The following PTPRD variants were observed in gnomAD, a reference collection of about 807,000 sequenced individuals.
PTPRD encodes the protein receptor-type tyrosine-protein phosphatase delta.
In PTPRD, 34 loss-of-function variants were observed where a neutral mutation model predicts 214.5. The ratio of observed to expected loss-of-function variants is 0.16; its 90% CI spans 0.12 to 0.21. PTPRD has a LOEUF of 0.21. Among genes scored for constraint, PTPRD ranks in the 10% least tolerant of loss-of-function variants. The pLI, the probability that PTPRD is intolerant of heterozygous loss-of-function variation, is 1.00. For missense variants in PTPRD, 2,545 were observed against 2,398.7 expected, an observed-to-expected ratio of 1.06 and a Z score of -1.27; for synonymous variants, 1,128 against 845.7, an observed-to-expected ratio of 1.33 and a Z score of -5.79.
chr9:9,123,727 C>T (rs192946675), intron 10 of PTPRD, among the ~76,000 whole-genome samples: 9 of 152,112 alleles, frequency 5.9e-5, no homozygotes, highest in East Asian at 1.9e-4. Context: ...TCAAATTATA[C>T]GAGAAAATAT....
chr9:9,139,392 G>A (rs1376853949), intron 10 of PTPRD, among the ~76,000 whole-genome samples: 1 of 152,144 alleles, frequency 6.6e-6, no homozygotes, highest in East Asian at 1.9e-4. Flanking sequence ...ACCTATGTAT[G>A]ACATTAACTG....
At chr9:9,148,144 C>CTACCCTTTGTTTCCAGAGCT (rs2099871770) in intron 10 of PTPRD, among the ~76,000 whole-genome samples, 2 of 152,120 alleles carry the variant, frequency 1.3e-5, no homozygotes, top group South Asian at 4.1e-4. Context: ...GCACTGGTGA[C>CTACCCTTTGTTTCCAGAGCT]TACCCTTTGT....
chr9:10,557,182 A>C (rs1177979656), intron 2 of PTPRD, among the ~76,000 whole-genome samples: 1 of 152,130 alleles, frequency 6.6e-6, no homozygotes, highest in Non-Finnish European at 1.5e-5. Flanking sequence ...GGAAACAAAA[A>C]ACATGGGATG....
At chr9:9,716,986 C>A (rs571100141) in intron 7 of PTPRD, among the ~76,000 whole-genome samples, 1 of 152,264 alleles carries the variant, frequency 6.6e-6, no homozygotes, top group East Asian at 1.9e-4. Context: ...GGTTTTAGAT[C>A]TAATGTTGAA....
chr9:8,794,677 C>T (rs1037928210), intron 11 of PTPRD, among the ~76,000 whole-genome samples: 2 of 151,938 alleles, frequency 1.3e-5, no homozygotes, highest in African/African-American at 4.8e-5. Context: ...CATAACTTCC[C>T]CCTAAAATGA....
At chr9:9,947,046 C>A (rs745902759) in intron 4 of PTPRD, among the ~76,000 whole-genome samples, 2 of 150,908 alleles carry the variant, frequency 1.3e-5, no homozygotes, top group East Asian at 2.0e-4. Flanking sequence ...AAGTTTTTAT[C>A]CCAAGAGCCC....
At chr9:8,959,062 T>C (rs997425326) in intron 11 of PTPRD, among the ~76,000 whole-genome samples, 2 of 152,050 alleles carry the variant, frequency 1.3e-5, no homozygotes, top group African/African-American at 4.8e-5. Context: ...ACACACTCAC[T>C]AAGCCAAGAC....
intron 8 of PTPRD, among the ~76,000 whole-genome samples, chr9:9,487,226 A>G (rs1016780080): frequency 6.6e-6 from 1 of 151,622 alleles, no homozygotes; most frequent in Non-Finnish European, 1.5e-5. Context: ...CCACCCAACA[A>G]CAGTCCCCGG....
chr9:10,611,608 T>C (rs2133823739), intron 2 of PTPRD, among the ~76,000 whole-genome samples: 1 of 152,266 alleles, frequency 6.6e-6, no homozygotes, highest in African/African-American at 2.4e-5. Context: ...CCAAGAGGAA[T>C]ACTGCCTGCA....
At chr9:9,081,773 C>G (rs1243052037) in intron 10 of PTPRD, among the ~76,000 whole-genome samples, 1 of 149,332 alleles carries the variant, frequency 6.7e-6, no homozygotes, top group African/African-American at 2.5e-5. Flanking sequence ...CTTTTTTGAT[C>G]TTTGTTGGTT....
At chr9:8,877,302 A>G (rs2098402501) in intron 11 of PTPRD, among the ~76,000 whole-genome samples, 1 of 152,150 alleles carries the variant, frequency 6.6e-6, no homozygotes, top group African/African-American at 2.4e-5. Context: ...AAAAACTCCA[A>G]CATGAATAAC....
In PTPRD at chr9:8,341,984, A is replaced by T. The variant is rs893588510; in HGVS notation, c.4662-6T>A. 1.2e-5 allele frequency: 19 copies of T among 1,585,680 alleles called. No homozygotes were observed. The highest frequency in any genetic ancestry group is 1.6e-5 in the Non-Finnish European group (19 of 1,168,854). On this transcript the variant is annotated splice_region_variant and splice_polypyrimidine_tract_variant and intron_variant, in intron 39 of 45. Coordinates refer to ENST00000381196, the MANE Select transcript of PTPRD (RefSeq NM_002839.4). ...CAGTCCGGCCAACTCCCGCACTATG[A>T]GGAAAATAGAGAAGAAAAGCCCAAA...
At chr9:8,455,977 G>C (rs1046208139) in intron 33 of PTPRD, among the ~76,000 whole-genome samples, 2 of 152,144 alleles carry the variant, frequency 1.3e-5, no homozygotes, top group African/African-American at 2.4e-5. Context: ...AAGTTTGAAA[G>C]CTTTCACAAC....
At chr9:8,581,130 T>A (rs995030317) in intron 14 of PTPRD, among the ~76,000 whole-genome samples, 1 of 152,102 alleles carries the variant, frequency 6.6e-6, no homozygotes, top group East Asian at 1.9e-4. Flanking sequence ...ACCTGGAAGC[T>A]GGAACAGAGA....
rs979362074 is a variant in PTPRD, at chr9:10,524,960, G to C, written c.-600+87438C>G. On this transcript the variant is annotated intron_variant, in intron 2 of 45. Coordinates refer to ENST00000381196, the MANE Select transcript of PTPRD (RefSeq NM_002839.4). ...GCAAAATAAGTGTAATATATTCTTG[G>C]TGGGCTCATAGTAGGGTAGATCACA... Among the ~76,000 whole-genome samples the C allele has an allele frequency of 3.3e-5, 5 of 151,396 alleles. No individual in the cohort carries two copies. The Admixed American group carries it at 3.3e-4, about 10-fold the overall frequency.
intron 16 of PTPRD, 140 bp downstream of exon 16, chr9:8,527,205 G>T: frequency 2.5e-6 from 2 of 802,662 alleles, no homozygotes; most frequent in Non-Finnish European, 4.0e-6. Flanking sequence ...GTGGAGGTGT[G>T]TGTGGGAGCC....
intron 2 of PTPRD, among the ~76,000 whole-genome samples, chr9:10,445,597 T>G (rs1263552905): frequency 6.6e-6 from 1 of 152,080 alleles, no homozygotes; most frequent in Non-Finnish European, 1.5e-5. Flanking sequence ...TGAAGTATAC[T>G]TAGAATTTGG....
chr9:8,790,874 G>T (rs62528842), intron 11 of PTPRD, among the ~76,000 whole-genome samples: 2 of 151,894 alleles, frequency 1.3e-5, no homozygotes, highest in African/African-American at 4.8e-5. Context: ...GTAAAAATTC[G>T]GTCCCTCAGT....
intron 12 of PTPRD, among the ~76,000 whole-genome samples, chr9:8,658,559 C>T (rs899522343): frequency 4.0e-5 from 6 of 151,692 alleles, no homozygotes; most frequent in African/African-American, 9.7e-5. Flanking sequence ...GTATTTCCTC[C>T]AAGAGGACTA....
Sources: gnomAD v4.1 joint callset for allele counts (sites outside exome capture counted in the v4.1 genomes callset) on GRCh38, gnomAD v4.1.1 for gene constraint, MANE v1.5 for transcripts, NCBI Gene and HGNC (gene_info 2026-07-23, HGNC 2026-07-21) for gene names.